KCNN2: variants seen among roughly 807,000 people sequenced by gnomAD.
KCNN2 encodes potassium calcium-activated channel subfamily N member 2.
A neutral mutation model predicts 55.5 loss-of-function variants in KCNN2; 24 were observed. The observed-to-expected ratio is 0.43, with a 90% CI of 0.31 to 0.61. The LOEUF is 0.61. Ranked by LOEUF, KCNN2 falls within the 20% of genes least tolerant of loss-of-function variation. The pLI is 0.08. For missense variants in KCNN2, 754 were observed against 853.6 expected, an observed-to-expected ratio of 0.88 and a Z score of 1.45; for synonymous variants, 431 against 336.1, an observed-to-expected ratio of 1.28 and a Z score of -3.09.
upstream of KCNN2, among the ~76,000 whole-genome samples, chr5:114,360,595 T>C (rs62381464): frequency 0.072 from 11,008 of 152,298 alleles, 538 homozygotes; most frequent in Non-Finnish European, 0.1. Flanking sequence ...AGACTTAAGA[T>C]GGAGCAGAAA....
At chr5:114,228,089 T>C (rs561218839) in intron 2 of KCNN2, among the ~76,000 whole-genome samples, 1 of 152,202 alleles carries the variant, frequency 6.6e-6, no homozygotes, top group South Asian at 2.1e-4. Flanking sequence ...CATTGATGAA[T>C]GCTTATAATT....
At chr5:114,209,087 C>T (rs1156762420) in intron 1 of KCNN2, among the ~76,000 whole-genome samples, 1 of 149,298 alleles carries the variant, frequency 6.7e-6, no homozygotes, top group Non-Finnish European at 1.5e-5. Context: ...GACAGGGTCT[C>T]GCTCTGTTGC....
intron 1 of KCNN2, among the ~76,000 whole-genome samples, chr5:114,199,373 G>T (rs1384483271): frequency 2.0e-5 from 3 of 151,944 alleles, no homozygotes; most frequent in Non-Finnish European, 4.4e-5. Context: ...TATCCATGCT[G>T]CCAATCTGTA....
At position 114,226,680 on chromosome 5, in the gene KCNN2, A is replaced by T. The variant is rs141584166; in HGVS notation, c.-185+5115A>T. Among the ~76,000 whole-genome samples, 528 of 152,206 alleles carry T rather than the reference A, an allele frequency of 3.5e-3. 3 individuals are homozygous for T. Among genetic ancestry groups the T allele is most frequent in the African/African-American group, 0.012 (514 of 41,532 alleles). On this transcript the variant is annotated intron_variant, in intron 2 of 10. Transcript: ENST00000512097. ...CAATTTGGGAGGATGAGGCAGGCGGATCACAAGGTCAGGAGATCGAGACCA... is the reference window on the plus strand; with the variant it reads ...CAATTTGGGAGGATGAGGCAGGCGGTTCACAAGGTCAGGAGATCGAGACCA...
chr5:114,224,734 C>T (rs980984807), intron 2 of KCNN2, among the ~76,000 whole-genome samples: 3 of 152,128 alleles, frequency 2.0e-5, no homozygotes, highest in African/African-American at 7.2e-5. Flanking sequence ...GTCAGCCTCC[C>T]CTTTCTTCTC....
intron 2 of KCNN2, among the ~76,000 whole-genome samples, chr5:114,394,441 T>C (rs1758556082): frequency 6.6e-6 from 1 of 152,208 alleles, no homozygotes; most frequent in South Asian, 2.1e-4. Flanking sequence ...GTCTTTTTAC[T>C]CTCTTTATTG....
intron 2 of KCNN2, among the ~76,000 whole-genome samples, chr5:114,273,111 G>A (rs1208077009): frequency 6.6e-6 from 1 of 152,130 alleles, no homozygotes; most frequent in Non-Finnish European, 1.5e-5. Flanking sequence ...CCACTTATGA[G>A]TGAGAACACA....
intron 2 of KCNN2, among the ~76,000 whole-genome samples, chr5:114,338,628 A>G (rs907998209): frequency 6.6e-6 from 1 of 152,242 alleles, no homozygotes; most frequent in Non-Finnish European, 1.5e-5. Context: ...TGGGGAGGTT[A>G]GATACCAGAA....
At chr5:114,246,307 G>A (rs908152612) in intron 2 of KCNN2, among the ~76,000 whole-genome samples, 2 of 151,928 alleles carry the variant, frequency 1.3e-5, no homozygotes, top group African/African-American at 4.8e-5. Context: ...CATCTTATTG[G>A]GTAAAATTAT....
intron 2 of KCNN2, among the ~76,000 whole-genome samples, chr5:114,243,362 A>C (rs1754682431): frequency 6.6e-6 from 1 of 152,190 alleles, no homozygotes; most frequent in South Asian, 2.1e-4. Context: ...TGAAAATGTG[A>C]AATGAAAATT....
chr5:114,077,353 T>C (rs1330591402), intron 1 of KCNN2, among the ~76,000 whole-genome samples: 1 of 152,190 alleles, frequency 6.6e-6, no homozygotes, highest in Non-Finnish European at 1.5e-5. Flanking sequence ...GAAGACCACA[T>C]GTGGAAGTGT....
chr5:114,404,279 C>A (rs1758871019), intron 2 of KCNN2, among the ~76,000 whole-genome samples, 159 bp from the exon 3 acceptor site: 1 of 152,144 alleles, frequency 6.6e-6, no homozygotes, highest in Admixed American at 6.5e-5. Context: ...TACCAATACC[C>A]TTTACTAAAA....
rs1287196172 is a variant in KCNN2 at position 114,363,999 on chromosome 5, C to G, written c.1216C>G (p.Gln406Glu). The G allele has an allele frequency of 3.1e-6, 5 of 1,611,534 alleles. No homozygotes were observed. The highest frequency in any genetic ancestry group is 4.2e-6 in the Non-Finnish European group (5 of 1,177,784). ...LIIVYHAREI[Q>E]LFMVDNGADD... Reference sequence around the variant, plus strand: ...CATCGTGTACCACGCCAGGGAAATACAGGTAACTTAGGTCCTGCTGTTTAT... The same window carrying G: ...CATCGTGTACCACGCCAGGGAAATAGAGGTAACTTAGGTCCTGCTGTTTAT... Residue 406 changes from glutamine to glutamate, a missense_variant and splice_region_variant, in exon 2 of 8, where the codon CAG becomes GAG. This residue lies in a region of KCNN2 where 123 missense variants were observed against 204.9 expected (regional missense o/e 0.60). Transcript: ENST00000673685.
intron 1 of KCNN2, among the ~76,000 whole-genome samples, chr5:114,134,413 T>G (rs1233729410): frequency 6.6e-6 from 1 of 151,758 alleles, no homozygotes; most frequent in African/African-American, 2.4e-5. Context: ...ATAGGCTAAA[T>G]TTAAGAACCT....
chr5:114,449,919 CGCGT>C, intron 3 of KCNN2, among the ~76,000 whole-genome samples: 2 of 150,694 alleles, frequency 1.3e-5, no homozygotes, highest in East Asian at 3.9e-4. Flanking sequence ...CGCGCGCGCT[CGCGT>C]GCGCGCACTC....
chr5:114,486,495 A>T (rs1747543452), intron 5 of KCNN2, among the ~76,000 whole-genome samples: 1 of 152,198 alleles, frequency 6.6e-6, no homozygotes, highest in South Asian at 2.1e-4. Context: ...CAACAAAATC[A>T]TAACGTAGAC....
chr5:114,220,433 A>T (rs1360139535), intron 1 of KCNN2, among the ~76,000 whole-genome samples: 1 of 152,182 alleles, frequency 6.6e-6, no homozygotes, highest in Non-Finnish European at 1.5e-5. Flanking sequence ...TAGGGCCAAT[A>T]AACTCAATAA....
chr5:114,111,395 C>T (rs780547644), intron 1 of KCNN2, among the ~76,000 whole-genome samples: 1 of 152,130 alleles, frequency 6.6e-6, no homozygotes, highest in Non-Finnish European at 1.5e-5. Context: ...AAAACCTAGG[C>T]AATCCCATTC....
chr5:114,282,695 G>C (rs1298196737), intron 2 of KCNN2, among the ~76,000 whole-genome samples: 1 of 152,094 alleles, frequency 6.6e-6, no homozygotes, highest in Non-Finnish European at 1.5e-5. Flanking sequence ...ATAAAATAAG[G>C]AAAGATCAGA....
Sources: allele counts gnomAD v4.1 joint callset (sites outside exome capture counted in the v4.1 genomes callset), GRCh38; gene constraint gnomAD v4.1.1; regional missense constraint gnomAD v4.1.1; transcripts MANE v1.5; gene names NCBI Gene and HGNC (gene_info 2026-07-23, HGNC 2026-07-21).